Variants in SPECC1 observed in about 807,000 individuals in gnomAD.
The protein encoded by SPECC1 is sperm antigen with calponin homology and coiled-coil domains 1.
A neutral mutation model predicts 104.1 loss-of-function variants in SPECC1; 62 were observed. That is an observed-to-expected ratio of 0.60 (90% CI 0.49 to 0.74). The LOEUF (loss-of-function observed/expected upper bound fraction) is 0.74, where lower values mean the gene tolerates loss of function less well. Ranked by LOEUF, SPECC1 falls within the 30% of genes least tolerant of loss-of-function variation. The pLI, the probability that SPECC1 is intolerant of heterozygous loss-of-function variation, is 0.00. For synonymous variants in SPECC1, 513 were observed against 501.6 expected, an observed-to-expected ratio of 1.02 and a Z score of -0.30; for missense variants, 1,306 against 1,310.5, an observed-to-expected ratio of 1.00 and a Z score of 0.05.
At chr17:20,094,843 T>A (rs2047569209) in intron 1 of SPECC1, among the ~76,000 whole-genome samples, 1 of 152,148 alleles carries the variant, frequency 6.6e-6, no homozygotes, top group African/African-American at 2.4e-5. Context: ...CAAGTGATCC[T>A]CCCACTTTGG....
chr17:20,294,865 G>A (rs2041295343), intron 12 of SPECC1, among the ~76,000 whole-genome samples: 1 of 152,114 alleles, frequency 6.6e-6, no homozygotes, highest in African/African-American at 2.4e-5. Context: ...ACTGTTTTGA[G>A]CACTGAAGGC....
intron 12 of SPECC1, among the ~76,000 whole-genome samples, chr17:20,280,313 A>G (rs1413728386): frequency 1.3e-5 from 2 of 152,194 alleles, no homozygotes; most frequent in African/African-American, 2.4e-5. Flanking sequence ...TGAGTTAGGC[A>G]TTTTGTATCC....
chr17:20,266,227 A>G (rs890414767), intron 12 of SPECC1, among the ~76,000 whole-genome samples: 22 of 152,110 alleles, frequency 1.4e-4, no homozygotes, highest in Non-Finnish European at 1.3e-4. Flanking sequence ...TTCTCCATTT[A>G]TTTGTGTCAT....
chr17:20,121,825 G>T (rs2049048024), intron 3 of SPECC1, among the ~76,000 whole-genome samples: 1 of 152,232 alleles, frequency 6.6e-6, no homozygotes, highest in South Asian at 2.1e-4. Flanking sequence ...TGGCAGCCTT[G>T]TCAAAAGCAC....
chr17:20,214,580 G>T (rs12942568), intron 4 of SPECC1, among the ~76,000 whole-genome samples: 64,602 of 151,944 alleles, frequency 0.43, 14,330 homozygotes, highest in East Asian at 0.8. Context: ...ATCTCTTCAC[G>T]CACTGCAGCC....
intron 14 of SPECC1, among the ~76,000 whole-genome samples, chr17:20,308,389 CAAAAAAA>C (rs3072413): frequency 1.5e-5 from 1 of 66,612 alleles, no homozygotes; most frequent in Non-Finnish European, 2.5e-5. Context: ...AACTCCATCT[CAAAAAAA>C]AAAAAAAAAA....
At chr17:20,024,445 C>G (rs1397305303) in intron 1 of SPECC1, among the ~76,000 whole-genome samples, 1 of 152,048 alleles carries the variant, frequency 6.6e-6, no homozygotes, top group Non-Finnish European at 1.5e-5. Flanking sequence ...AATTGCTTTC[C>G]TTTTTTGAGA....
At chr17:20,155,785 A>T in intron 3 of SPECC1, 1 of 414,966 alleles carries the variant, frequency 2.4e-6, no homozygotes, top group Non-Finnish European at 3.4e-6. Flanking sequence ...TGCGGTTCTC[A>T]GCATCCGCGG....
rs888718469 is a variant in SPECC1 at position 20,070,994 on chromosome 17, C to T, written c.-21-25637C>T. On this transcript the variant is annotated intron_variant, in intron 1 of 14. Coordinates refer to ENST00000395527, the MANE Select transcript of SPECC1 (RefSeq NM_001243439.2). ...AATTTTTCAAGACAAAATTTCACTA[C>T]GTTGCCCAGGTTGACGTGTGGTCTT... is the stretch of plus-strand genomic sequence containing the variant. 2.6e-5 allele frequency among the ~76,000 whole-genome samples: 4 copies of T among 152,022 alleles called. No individual in the cohort carries two copies. The South Asian group carries it at 8.3e-4, about 32-fold the overall frequency.
chr17:20,234,630 C>T (rs1341121399), intron 7 of SPECC1, among the ~76,000 whole-genome samples: 1 of 152,228 alleles, frequency 6.6e-6, no homozygotes, highest in Non-Finnish European at 1.5e-5. Flanking sequence ...GGTTCAGCCA[C>T]AGCCAAAGAA....
At chr17:20,140,106 T>C (rs2030584207) in intron 3 of SPECC1, among the ~76,000 whole-genome samples, 1 of 152,216 alleles carries the variant, frequency 6.6e-6, no homozygotes, top group Non-Finnish European at 1.5e-5. Flanking sequence ...GTGAGTAGGA[T>C]CATTTTCGGC....
intron 3 of SPECC1, among the ~76,000 whole-genome samples, chr17:20,142,856 C>T (rs1207620966): frequency 6.6e-6 from 1 of 151,290 alleles, no homozygotes; most frequent in Non-Finnish European, 1.5e-5. Context: ...AAAAATTAGC[C>T]AGGCATGGTG....
chr17:20,084,631 G>T (rs2047107613), intron 1 of SPECC1, among the ~76,000 whole-genome samples: 1 of 152,002 alleles, frequency 6.6e-6, no homozygotes, highest in African/African-American at 2.4e-5. Context: ...AATCAGGTGG[G>T]TTTTTTTGTT....
chr17:20,311,885 A>G (rs2041943291), intron 14 of SPECC1, among the ~76,000 whole-genome samples: 1 of 152,168 alleles, frequency 6.6e-6, no homozygotes, highest in Admixed American at 6.5e-5. Context: ...AATTTTGTGT[A>G]ATGCTTTTTC....
chr17:20,117,876 G>A (rs1370942858), intron 3 of SPECC1, among the ~76,000 whole-genome samples: 6 of 151,922 alleles, frequency 3.9e-5, no homozygotes, highest in African/African-American at 1.2e-4. Flanking sequence ...AAGCTGAGGC[G>A]GGCTGATTGC....
intron 3 of SPECC1, among the ~76,000 whole-genome samples, chr17:20,199,430 TTCTCTGG>T (rs921085661): frequency 4.1e-5 from 6 of 146,590 alleles, no homozygotes; most frequent in Admixed American, 6.8e-5. Context: ...GACAGGGTCT[TTCTCTGG>T]TCACCCAGGC....
At chr17:20,155,549 G>A (rs2032385818) in intron 3 of SPECC1, 1 of 152,174 alleles carries the variant, frequency 6.6e-6, no homozygotes, top group South Asian at 2.1e-4. Flanking sequence ...ATTCATTTTG[G>A]GTGAGTACGT....
intron 2 of SPECC1, 44 bp downstream of exon 2, chr17:20,096,842 C>A (rs1169052653): frequency 3.2e-6 from 5 of 1,581,964 alleles, no homozygotes; most frequent in Non-Finnish European, 4.3e-6. Flanking sequence ...GCCTGGATAC[C>A]CTGGGTTGGG....
At chr17:20,029,722 T>C (rs2044733443) in intron 1 of SPECC1, among the ~76,000 whole-genome samples, 1 of 152,204 alleles carries the variant, frequency 6.6e-6, no homozygotes, top group African/African-American at 2.4e-5. Context: ...TTGTTCGTAG[T>C]ATTCTTTTCT....
Sources: gnomAD v4.1 joint callset for allele counts (sites outside exome capture counted in the v4.1 genomes callset) on GRCh38, gnomAD v4.1.1 for gene constraint, MANE v1.5 for transcripts, NCBI Gene and HGNC (gene_info 2026-07-23, HGNC 2026-07-21) for gene names.